Variants in SLC24A3 observed in about 807,000 individuals in gnomAD.
SLC24A3 encodes the protein sodium/potassium/calcium exchanger 3.
SLC24A3 carries 28 observed loss-of-function variants against 75.8 expected under a neutral mutation model. The ratio of observed to expected loss-of-function variants is 0.37; its 90% CI spans 0.27 to 0.51. The LOEUF (loss-of-function observed/expected upper bound fraction) is 0.51. SLC24A3 is among the 20% of genes least tolerant of loss of function. The pLI is 0.94. For missense variants in SLC24A3, 663 were observed against 847.8 expected (o/e 0.78, Z 2.71); for synonymous variants, 372 against 334.1 (o/e 1.11, Z -1.24).
At chr20:19,419,699 C>A (rs1012096514) in intron 2 of SLC24A3, among the ~76,000 whole-genome samples, 1 of 152,098 alleles carries the variant, frequency 6.6e-6, no homozygotes, top group African/African-American at 2.4e-5. Context: ...TTCCTGCCTT[C>A]CCGTGGGAGG....
At chr20:19,486,467 C>T (rs567908169) in intron 2 of SLC24A3, among the ~76,000 whole-genome samples, 23 of 152,156 alleles carry the variant, frequency 1.5e-4, no homozygotes, top group African/African-American at 4.1e-4. Flanking sequence ...TGAAAATTTC[C>T]GAAAGAAAGT....
intron 6 of SLC24A3, among the ~76,000 whole-genome samples, chr20:19,612,077 G>A (rs1048903493): frequency 5.3e-5 from 8 of 152,178 alleles, no homozygotes; most frequent in Non-Finnish European, 1.0e-4. Context: ...GTGCGCTGAT[G>A]AGGCTAGCCA....
At chr20:19,298,693 G>A (rs1984119001) in intron 2 of SLC24A3, among the ~76,000 whole-genome samples, 1 of 152,186 alleles carries the variant, frequency 6.6e-6, no homozygotes, top group South Asian at 2.1e-4. Flanking sequence ...GAAAATAGAA[G>A]CTTTACTCAC....
intron 8 of SLC24A3, among the ~76,000 whole-genome samples, chr20:19,670,260 C>A (rs1338229631): frequency 6.6e-6 from 1 of 152,120 alleles, no homozygotes; most frequent in Non-Finnish European, 1.5e-5. Context: ...GATCCAAATT[C>A]AACCAGGTCA....
chr20:19,498,766 A>T (rs1600254472), intron 2 of SLC24A3, among the ~76,000 whole-genome samples: 1 of 152,328 alleles, frequency 6.6e-6, no homozygotes, highest in South Asian at 2.1e-4. Context: ...AAAAATGAAG[A>T]GATAGGGTCC....
intron 3 of SLC24A3, among the ~76,000 whole-genome samples, chr20:19,537,353 C>T (rs1046743967): frequency 2.0e-5 from 3 of 152,114 alleles, no homozygotes; most frequent in African/African-American, 4.8e-5. Context: ...ATTAGAATGG[C>T]GATCATTCAA....
At chr20:19,500,739 C>G (rs1445880810) in intron 2 of SLC24A3, among the ~76,000 whole-genome samples, 1 of 152,152 alleles carries the variant, frequency 6.6e-6, no homozygotes, top group Non-Finnish European at 1.5e-5. Flanking sequence ...ACTCAAACAT[C>G]GTTACAAGAA....
Position 19,585,529 on chromosome 20 carries a change from G to A in SLC24A3, c.597G>A (p.Gly199=). The change falls in exon 6 of 17, where the codon GGG becomes GGA. Residue 199 remains glycine (G), a synonymous_variant. Transcript: ENST00000328041. ...FNILCIIGVC[G]LFAGQVVALS... The stretch of plus-strand genomic sequence containing the variant: ...TCCTGTGCATCATTGGTGTCTGTGG[G>A]CTCTTTGCTGGGCAGGTAAGACTGG... 6.2e-7 allele frequency: 1 copy of A among 1,614,046 alleles called. No homozygotes were observed. The highest frequency in any genetic ancestry group is 8.5e-7 in the Non-Finnish European group (1 of 1,179,994).
rs962418150 is a variant in SLC24A3, at chr20:19,697,024, G to A, written c.1606+113G>A. ...GCAGGAGGGAGAAGAGAAAGGGAGG[G>A]AGAAGAGAAGGAAAGAGGGAGGGAG... is the stretch of plus-strand genomic sequence containing the variant. On this transcript the variant is annotated intron_variant, in intron 14 of 16. Transcript: ENST00000328041. 4.7e-5 allele frequency: 25 copies of A among 534,788 alleles called. No individual in the cohort carries two copies. In the East Asian group the frequency reaches 8.2e-4, roughly 18 times the overall value. 33.1% of individuals were successfully genotyped at this position (534,788 alleles called of 1,614,324 possible).
intron 2 of SLC24A3, among the ~76,000 whole-genome samples, chr20:19,292,396 A>G (rs1983962453): frequency 6.6e-6 from 1 of 152,192 alleles, no homozygotes; most frequent in Non-Finnish European, 1.5e-5. Flanking sequence ...AATGAATTTG[A>G]CAGGCACTAA....
intron 2 of SLC24A3, among the ~76,000 whole-genome samples, chr20:19,393,426 G>T (rs1169758424): frequency 6.6e-6 from 1 of 152,096 alleles, no homozygotes; most frequent in Non-Finnish European, 1.5e-5. Flanking sequence ...AAAGGAAGTA[G>T]TAAAATTATA....
chr20:19,447,644 C>G (rs1053356943), intron 2 of SLC24A3, among the ~76,000 whole-genome samples: 7 of 152,302 alleles, frequency 4.6e-5, no homozygotes, highest in African/African-American at 1.2e-4. Flanking sequence ...TTAGGTTATG[C>G]TGGGCACAAT....
chr20:19,255,775 T>C (rs1257848722), intron 1 of SLC24A3, among the ~76,000 whole-genome samples: 1 of 152,068 alleles, frequency 6.6e-6, no homozygotes, highest in East Asian at 1.9e-4. Context: ...AAGGGCTTAG[T>C]ACAAAAAAGA....
At chr20:19,216,430 A>G (rs1399576481) in intron 1 of SLC24A3, among the ~76,000 whole-genome samples, 1 of 152,042 alleles carries the variant, frequency 6.6e-6, no homozygotes, top group Non-Finnish European at 1.5e-5. Context: ...GCAACATAGT[A>G]AGACCCCATC....
chr20:19,539,369 G>T (rs764653431), intron 3 of SLC24A3, among the ~76,000 whole-genome samples: 3 of 152,102 alleles, frequency 2.0e-5, no homozygotes, highest in Non-Finnish European at 2.9e-5. Flanking sequence ...TCAGCTGGGG[G>T]CAGGGTTCCT....
chr20:19,325,777 C>CATATAT (rs1164485509), intron 2 of SLC24A3, among the ~76,000 whole-genome samples: 1,413 of 57,810 alleles, frequency 0.024, 49 homozygotes, highest in East Asian at 0.039. Flanking sequence ...TATATATATA[C>CATATAT]ATATATATAT....
At chr20:19,488,262 G>A (rs1437273453) in intron 2 of SLC24A3, among the ~76,000 whole-genome samples, 5 of 152,186 alleles carry the variant, frequency 3.3e-5, no homozygotes, top group African/African-American at 1.2e-4. Flanking sequence ...CTTGGAGCAG[G>A]GACTTGGCCC....
At chr20:19,470,541 C>T (rs183897444) in intron 2 of SLC24A3, among the ~76,000 whole-genome samples, 4 of 152,138 alleles carry the variant, frequency 2.6e-5, no homozygotes, top group East Asian at 3.9e-4. Context: ...TAAGTCTGTA[C>T]GCTGAACTTC....
intron 2 of SLC24A3, among the ~76,000 whole-genome samples, chr20:19,512,732 G>A (rs1046698130): frequency 5.3e-5 from 8 of 152,218 alleles, no homozygotes; most frequent in South Asian, 2.1e-4. Flanking sequence ...CAGTGCAGAC[G>A]TGGATGATGC....
Sources: gnomAD v4.1 joint callset for allele counts (sites outside exome capture counted in the v4.1 genomes callset) on GRCh38, gnomAD v4.1.1 for gene constraint, MANE v1.5 for transcripts, NCBI Gene and HGNC (gene_info 2026-07-23, HGNC 2026-07-21) for gene names.